Variants in CYP7B1 observed in about 807,000 individuals in gnomAD.
CYP7B1 encodes cytochrome P450 7B1.
In CYP7B1, 29 loss-of-function variants were observed where a neutral mutation model predicts 42.7. That is an observed-to-expected ratio of 0.68 (90% CI 0.51 to 0.93). CYP7B1 has a LOEUF of 0.93. Among genes scored for constraint, CYP7B1 ranks in the 40% least tolerant of loss-of-function variants. The pLI is 0.00. For synonymous variants in CYP7B1, 235 were observed against 218.2 expected, an observed-to-expected ratio of 1.08 and a Z score of -0.68; for missense variants, 655 against 600.5, an observed-to-expected ratio of 1.09 and a Z score of -0.95.
chr8:64,682,548 CTCTT>C (rs1806554941), intron 1 of CYP7B1, among the ~76,000 whole-genome samples: 1 of 152,234 alleles, frequency 6.6e-6, no homozygotes, highest in Non-Finnish European at 1.5e-5. Flanking sequence ...TCTTCAAACA[CTCTT>C]TCTGTGTGGC....
chr8:64,622,623 A>G (rs1026755620), intron 2 of CYP7B1, among the ~76,000 whole-genome samples: 1 of 152,224 alleles, frequency 6.6e-6, no homozygotes, highest in African/African-American at 2.4e-5. Flanking sequence ...TGCAAAAGAA[A>G]AGAAGAAAAG....
intron 2 of CYP7B1, among the ~76,000 whole-genome samples, chr8:64,623,384 G>T (rs975249354): frequency 1.3e-5 from 2 of 152,218 alleles, no homozygotes; most frequent in African/African-American, 2.4e-5. Flanking sequence ...GAGGATGAAA[G>T]ACCGTGTGGA....
At chr8:64,698,707 C>T (rs1361457840) in intron 1 of CYP7B1, among the ~76,000 whole-genome samples, 1 of 152,106 alleles carries the variant, frequency 6.6e-6, no homozygotes, top group Non-Finnish European at 1.5e-5. Flanking sequence ...ATAATTAGCA[C>T]CCAGTGAAAG....
chr8:64,597,106 T>C (rs1421213084), intron 5 of CYP7B1, among the ~76,000 whole-genome samples, 177 bp from the exon 6 acceptor site: 1 of 152,214 alleles, frequency 6.6e-6, no homozygotes, highest in East Asian at 1.9e-4. Flanking sequence ...CAAATATTAC[T>C]AGGAAATTAC....
rs369419141 is a variant in CYP7B1, at chr8:64,593,414, G to C, written c.*3228C>G. ...TTGCCTATCTCAGTCTTAGCTCCGGGTAAAAATAAACAAAAAAATGAACCC... is the reference window on the plus strand; with the variant it reads ...TTGCCTATCTCAGTCTTAGCTCCGGCTAAAAATAAACAAAAAAATGAACCC... On this transcript the variant is annotated 3_prime_UTR_variant, in exon 6 of 6. Transcript: ENST00000310193. Among the ~76,000 whole-genome samples the C allele has an allele frequency of 7.2e-5, 11 of 152,128 alleles. No individual in the cohort carries two copies. Among genetic ancestry groups the C allele is most frequent in the Admixed American group, 2.6e-4 (4 of 15,274 alleles).
At chr8:64,630,875 C>T (rs563722964) in intron 1 of CYP7B1, among the ~76,000 whole-genome samples, 18 of 152,020 alleles carry the variant, frequency 1.2e-4, no homozygotes, top group Admixed American at 2.6e-4. Context: ...GGGGTTGGGA[C>T]GTTAAAGAGA....
At chr8:64,670,530 A>T (rs1199279268) in intron 1 of CYP7B1, among the ~76,000 whole-genome samples, 1 of 152,032 alleles carries the variant, frequency 6.6e-6, no homozygotes, top group African/African-American at 2.4e-5. Flanking sequence ...TAAATGAGTC[A>T]CCTTCCCCAC....
intron 1 of CYP7B1, among the ~76,000 whole-genome samples, chr8:64,774,261 C>A (rs1315670584): frequency 1.3e-5 from 2 of 152,162 alleles, no homozygotes; most frequent in Non-Finnish European, 2.9e-5. Context: ...ATTTAGGGTT[C>A]TTTGAGGACA....
chr8:64,601,702 T>A (rs1039279665), intron 5 of CYP7B1, among the ~76,000 whole-genome samples: 2 of 152,220 alleles, frequency 1.3e-5, no homozygotes, highest in African/African-American at 4.8e-5. Context: ...GTGTTTTAAA[T>A]TTCATTTTTC....
At chr8:64,651,712 T>C (rs1200690327) in intron 1 of CYP7B1, among the ~76,000 whole-genome samples, 1 of 152,162 alleles carries the variant, frequency 6.6e-6, no homozygotes, top group East Asian at 1.9e-4. Flanking sequence ...TCTTCTGCCA[T>C]ATGAGAAAAC....
At chr8:64,589,219 C>G (rs1195349851), downstream of CYP7B1, among the ~76,000 whole-genome samples, 1 of 152,134 alleles carries the variant, frequency 6.6e-6, no homozygotes, top group Non-Finnish European at 1.5e-5. Flanking sequence ...GACGATTATC[C>G]TCAAAGATCA....
chr8:64,786,547 T>A (rs1410859538), intron 1 of CYP7B1, among the ~76,000 whole-genome samples: 3 of 152,208 alleles, frequency 2.0e-5, no homozygotes, highest in African/African-American at 7.2e-5. Flanking sequence ...TCCATGGCCT[T>A]GGGCAGCTCC....
At chr8:64,755,396 G>T (rs1253599342) in intron 1 of CYP7B1, among the ~76,000 whole-genome samples, 3 of 152,024 alleles carry the variant, frequency 2.0e-5, no homozygotes, top group Non-Finnish European at 4.4e-5. Context: ...GTTAACCAGA[G>T]TCCGGCAATT....
intron 1 of CYP7B1, among the ~76,000 whole-genome samples, chr8:64,681,113 C>T (rs1395834533): frequency 6.6e-6 from 1 of 152,172 alleles, no homozygotes; most frequent in Non-Finnish European, 1.5e-5. Flanking sequence ...TTTGTGGATG[C>T]AAATGAGTAG....
chr8:64,686,128 G>C (rs1806636726), intron 1 of CYP7B1, among the ~76,000 whole-genome samples: 1 of 104,326 alleles, frequency 9.6e-6, no homozygotes, highest in Admixed American at 8.5e-5. Context: ...CGCCCGGCCA[G>C]CCGCCCCGTC....
chr8:64,762,464 G>T (rs148978399), intron 1 of CYP7B1, among the ~76,000 whole-genome samples: 345 of 152,232 alleles, frequency 2.3e-3, no homozygotes, highest in African/African-American at 7.7e-3. Flanking sequence ...AGGAAATTAA[G>T]ACAATGAGTT....
chr8:64,745,745 A>G (rs907156896), intron 1 of CYP7B1, among the ~76,000 whole-genome samples: 1 of 152,186 alleles, frequency 6.6e-6, no homozygotes, highest in African/African-American at 2.4e-5. Flanking sequence ...TGCATCTACA[A>G]TGGGGTCATC....
chr8:64,631,832 T>C (rs1805700989), intron 1 of CYP7B1, among the ~76,000 whole-genome samples: 1 of 152,138 alleles, frequency 6.6e-6, no homozygotes, highest in East Asian at 1.9e-4. Flanking sequence ...ATGTCACTAA[T>C]GATCAGGGAA....
chr8:64,722,499 G>GA (rs112927469), intron 1 of CYP7B1, among the ~76,000 whole-genome samples: 12,268 of 152,028 alleles, frequency 0.081, 747 homozygotes, highest in African/African-American at 0.16. Context: ...TTAGCTACTA[G>GA]AAAAAATCTA....
Sources: allele counts gnomAD v4.1 joint callset (sites outside exome capture counted in the v4.1 genomes callset), GRCh38; gene constraint gnomAD v4.1.1; transcripts MANE v1.5; gene names NCBI Gene and HGNC (gene_info 2026-07-23, HGNC 2026-07-21).